Variants in UNC13C observed in about 807,000 individuals in gnomAD.
UNC13C encodes unc-13 homolog C.
A neutral mutation model predicts 245.4 loss-of-function variants in UNC13C; 174 were observed. That is an observed-to-expected ratio of 0.71 (90% CI 0.63 to 0.80). The LOEUF (loss-of-function observed/expected upper bound fraction) is 0.80. Among genes scored for constraint, UNC13C ranks in the 30% least tolerant of loss-of-function variants. The probability of loss-of-function intolerance (pLI) is 0.00; values close to 1 mark genes in which losing one functional copy is unlikely to be tolerated. For missense variants in UNC13C, 2,829 were observed against 2,602.9 expected (o/e 1.09, Z -1.89); for synonymous variants, 992 against 895.1 (o/e 1.11, Z -1.93).
At chr15:54,174,089 A>G (rs2033520631) in intron 4 of UNC13C, among the ~76,000 whole-genome samples, 1 of 152,088 alleles carries the variant, frequency 6.6e-6, no homozygotes, top group Admixed American at 6.6e-5. Context: ...GAATTTGCTA[A>G]ATGCAACTTG....
chr15:54,204,502 T>C (rs936152694), intron 4 of UNC13C, among the ~76,000 whole-genome samples: 2 of 151,996 alleles, frequency 1.3e-5, no homozygotes, highest in African/African-American at 2.4e-5. Flanking sequence ...ATTTACCATG[T>C]TTATAGATAG....
At chr15:53,890,491 T>C in the UNC13C span, among the ~76,000 whole-genome samples, 1 of 152,174 alleles carries the variant, frequency 6.6e-6, no homozygotes, top group African/African-American at 2.4e-5. Flanking sequence ...ATCCATCTGG[T>C]CCTGGACTTT....
Position 54,015,342 on chromosome 15 carries a change from C to G in UNC13C, c.2439C>G (p.Asn813Lys). The change falls in exon 2 of 33, where the codon AAC becomes AAG. Residue 813 changes from asparagine (N) to lysine (K), a missense_variant. Asn to Lys is a moderately conservative substitution (Grantham distance 94, BLOSUM62 0). Coordinates refer to ENST00000260323, the MANE Select transcript of UNC13C (RefSeq NM_001080534.3). ...RAKSALEVVW[N>K]KSTQSLSGYE... is the part of the protein sequence containing the mutation. Reference sequence around the variant, plus strand: ...AATCAGCCTTGGAAGTAGTATGGAACAAAAGCACACAGAGTCTGAGTGGGT... The same window carrying G: ...AATCAGCCTTGGAAGTAGTATGGAAGAAAAGCACACAGAGTCTGAGTGGGT... 6.2e-7 allele frequency: 1 copy of G among 1,613,824 alleles called. No individual in the cohort carries two copies. Among genetic ancestry groups the G allele is most frequent in the Non-Finnish European group, 8.5e-7 (1 of 1,179,842 alleles).
intron 10 of UNC13C, among the ~76,000 whole-genome samples, chr15:54,288,670 G>A (rs1218347390): frequency 6.6e-6 from 1 of 152,052 alleles, no homozygotes; most frequent in Non-Finnish European, 1.5e-5. Context: ...AAAGGTTGTT[G>A]TATGAGTGTA....
chr15:54,097,732 C>T (rs1456314523), intron 2 of UNC13C, among the ~76,000 whole-genome samples: 1 of 152,036 alleles, frequency 6.6e-6, no homozygotes, highest in Non-Finnish European at 1.5e-5. Flanking sequence ...TCTTGGTCTG[C>T]AAAGGATTTG....
chr15:54,000,727 G>A (rs1894846952), intron 1 of UNC13C, among the ~76,000 whole-genome samples: 1 of 152,078 alleles, frequency 6.6e-6, no homozygotes, highest in Non-Finnish European at 1.5e-5. Context: ...AAATGAGTTA[G>A]CAACACCTAA....
At chr15:53,871,274 T>C in the UNC13C span, among the ~76,000 whole-genome samples, 2 of 152,184 alleles carry the variant, frequency 1.3e-5, no homozygotes, top group Non-Finnish European at 1.5e-5. Context: ...TCCACACTTA[T>C]GCCATTTTTA....
At chr15:53,958,050 A>C in the UNC13C span, among the ~76,000 whole-genome samples, 3 of 152,158 alleles carry the variant, frequency 2.0e-5, no homozygotes, top group Non-Finnish European at 2.9e-5. Context: ...AGGACTTTAA[A>C]AGAGGTAATC....
intron 18 of UNC13C, 64 bp from the exon 19 acceptor site, chr15:54,414,918 C>T (rs2040488717): frequency 1.9e-6 from 2 of 1,062,712 alleles, no homozygotes; most frequent in African/African-American, 1.6e-5. Context: ...ATGTAAAATG[C>T]TGTATTTTGG....
chr15:54,406,333 T>C (rs755288910), intron 18 of UNC13C, among the ~76,000 whole-genome samples: 3 of 152,128 alleles, frequency 2.0e-5, no homozygotes, highest in Non-Finnish European at 4.4e-5. Flanking sequence ...TTCCTTTTGA[T>C]ATAGGAGCAG....
chr15:54,472,604 TG>T lies in UNC13C; in HGVS notation c.4934-22003del, dbSNP rs1304741213. Among the ~76,000 whole-genome samples the T allele has an allele frequency of 2.6e-5, 4 of 151,914 alleles. No individual in the cohort carries two copies. In the East Asian group the frequency reaches 5.8e-4, roughly 22 times the overall value. The stretch of plus-strand genomic sequence containing the variant: ...AGACCCGCCATTCTCTTCTTTTATT[TG>T]TCTGAGAAAGTATTTATCACTCCTT... On this transcript the variant is annotated intron_variant, in intron 19 of 32. Transcript: ENST00000260323.
chr15:54,004,316 A>G (rs1895041861), intron 1 of UNC13C, among the ~76,000 whole-genome samples: 1 of 152,128 alleles, frequency 6.6e-6, no homozygotes, highest in Admixed American at 6.5e-5. Context: ...AGTTGCATCT[A>G]TATTGTTGCA....
At chr15:54,455,205 C>CTCTCTCTCTCTCTCTCTCTCTCTCTA (rs1388065398) in intron 19 of UNC13C, among the ~76,000 whole-genome samples, 1 of 18,964 alleles carries the variant, frequency 5.3e-5, no homozygotes, top group Non-Finnish European at 9.2e-5. Context: ...CTCTCTCTCT[C>CTCTCTCTCTCTCTCTCTCTCTCTCTA]TATATATATA....
At chr15:54,624,841 C>A in intron 32 of UNC13C, among the ~76,000 whole-genome samples, 1 of 151,928 alleles carries the variant, frequency 6.6e-6, no homozygotes, top group Admixed American at 6.6e-5. Context: ...AATGAGCTTA[C>A]TTACAAAGGA....
intron 4 of UNC13C, among the ~76,000 whole-genome samples, chr15:54,178,690 TAAC>T (rs1300053534): frequency 6.6e-6 from 1 of 152,024 alleles, no homozygotes; most frequent in African/African-American, 2.4e-5. Flanking sequence ...TAAAGTAAAA[TAAC>T]AAAATTTCTG....
At chr15:54,349,979 A>C (rs1208020723) in intron 17 of UNC13C, among the ~76,000 whole-genome samples, 1 of 152,120 alleles carries the variant, frequency 6.6e-6, no homozygotes, top group Non-Finnish European at 1.5e-5. Flanking sequence ...GTATATTAGC[A>C]CAATAATATT....
At chr15:54,306,812 T>G (rs1435902757) in intron 13 of UNC13C, among the ~76,000 whole-genome samples, 1 of 152,008 alleles carries the variant, frequency 6.6e-6, no homozygotes, top group Non-Finnish European at 1.5e-5. Context: ...CAACCTGTAA[T>G]GTACCCTGGC....
intron 2 of UNC13C, among the ~76,000 whole-genome samples, chr15:54,132,074 C>CTTTTTTTCTT (rs533044534): frequency 0.37 from 41,038 of 110,442 alleles, 6,845 homozygotes; most frequent in Non-Finnish European, 0.44. Context: ...TTTTCTTTTT[C>CTTTTTTTCTT]TTTTTTTTTT....
At chr15:54,090,150 C>T (rs1482432821) in intron 2 of UNC13C, among the ~76,000 whole-genome samples, 1 of 152,146 alleles carries the variant, frequency 6.6e-6, no homozygotes, top group Non-Finnish European at 1.5e-5. Flanking sequence ...GAATCAGCTT[C>T]CTGAAAATGG....
Sources: gnomAD v4.1 joint callset for allele counts (sites outside exome capture counted in the v4.1 genomes callset) on GRCh38, gnomAD v4.1.1 for gene constraint, MANE v1.5 for transcripts, NCBI Gene and HGNC (gene_info 2026-07-23, HGNC 2026-07-21) for gene names.